ZFAND3: variants seen among roughly 807,000 people sequenced by gnomAD.
ZFAND3 encodes zinc finger AN1-type containing 3, also known as AN1-type zinc finger protein 3.
Under a neutral mutation model 29.6 loss-of-function variants are expected in ZFAND3, and 10 were observed. The ratio of observed to expected loss-of-function variants is 0.34; its 90% CI spans 0.21 to 0.57. The LOEUF (loss-of-function observed/expected upper bound fraction) is 0.57. Among genes scored for constraint, ZFAND3 ranks in the 20% least tolerant of loss-of-function variants. ZFAND3 has a pLI of 0.86. For missense variants in ZFAND3, 230 were observed against 304.5 expected, an observed-to-expected ratio of 0.76 and a Z score of 1.82; for synonymous variants, 128 against 112.6, an observed-to-expected ratio of 1.14 and a Z score of -0.87.
intron 1 of ZFAND3, among the ~76,000 whole-genome samples, chr6:37,866,719 A>G (rs1321339918): frequency 6.6e-6 from 1 of 152,026 alleles, no homozygotes; most frequent in Non-Finnish European, 1.5e-5. Flanking sequence ...GTAGTGTATT[A>G]TCCAGTGACC....
chr6:38,147,235 C>CA (rs1181798753), intron 5 of ZFAND3, among the ~76,000 whole-genome samples: 6 of 152,312 alleles, frequency 3.9e-5, no homozygotes, highest in Admixed American at 2.0e-4. Flanking sequence ...TAAGTGAGAA[C>CA]ATGGGATATT....
chr6:38,131,826 A>G (rs1765748139), intron 5 of ZFAND3, among the ~76,000 whole-genome samples: 1 of 152,226 alleles, frequency 6.6e-6, no homozygotes, highest in Non-Finnish European at 1.5e-5. Context: ...TGGTGTCCTC[A>G]TGAGCCTGCT....
intron 4 of ZFAND3, among the ~76,000 whole-genome samples, chr6:38,085,745 A>G (rs1394796079): frequency 6.6e-6 from 1 of 152,150 alleles, no homozygotes; most frequent in African/African-American, 2.4e-5. Context: ...CAGCCCATAC[A>G]TGCAGTTTAT....
At chr6:37,875,950 C>T (rs1361233233) in intron 1 of ZFAND3, among the ~76,000 whole-genome samples, 1 of 151,982 alleles carries the variant, frequency 6.6e-6, no homozygotes, top group Admixed American at 6.6e-5. Context: ...AGATTACAGG[C>T]CCAGCAGTAA....
intron 4 of ZFAND3, among the ~76,000 whole-genome samples, chr6:38,084,833 A>T (rs1417811110): frequency 6.6e-6 from 1 of 152,186 alleles, no homozygotes; most frequent in Non-Finnish European, 1.5e-5. Context: ...CCTGAAGGAA[A>T]ATTGAGATTT....
At chr6:38,039,928 G>A (rs1763728295) in intron 2 of ZFAND3, among the ~76,000 whole-genome samples, 1 of 152,028 alleles carries the variant, frequency 6.6e-6, no homozygotes, top group Non-Finnish European at 1.5e-5. Flanking sequence ...TACTGTGAAA[G>A]AAAGCCGACT....
At chr6:38,127,363 G>A (rs1259916611) in intron 5 of ZFAND3, among the ~76,000 whole-genome samples, 2 of 152,242 alleles carry the variant, frequency 1.3e-5, no homozygotes, top group Non-Finnish European at 2.9e-5. Flanking sequence ...ACAAAGCTGT[G>A]TTCTAAAGAG....
intron 2 of ZFAND3, among the ~76,000 whole-genome samples, chr6:38,000,516 G>A (rs1392487551): frequency 6.6e-6 from 1 of 152,132 alleles, no homozygotes; most frequent in Admixed American, 6.5e-5. Context: ...ATCTTACATG[G>A]TGGCAGGCAA....
At chr6:38,009,156 C>T (rs1012932697) in intron 2 of ZFAND3, among the ~76,000 whole-genome samples, 1 of 151,860 alleles carries the variant, frequency 6.6e-6, no homozygotes, top group African/African-American at 2.4e-5. Flanking sequence ...TGAATTGAGC[C>T]CTTTGAGTAT....
intron 2 of ZFAND3, among the ~76,000 whole-genome samples, chr6:37,936,062 G>C (rs930488226): frequency 1.3e-5 from 2 of 152,106 alleles, no homozygotes; most frequent in African/African-American, 4.8e-5. Flanking sequence ...TTTAGGAATA[G>C]TTAGTACCTA....
At chr6:38,065,126 G>A (rs1475473576) in intron 3 of ZFAND3, among the ~76,000 whole-genome samples, 6 of 152,070 alleles carry the variant, frequency 3.9e-5, no homozygotes, top group Admixed American at 3.9e-4. Context: ...AGACCATCCT[G>A]GCCAACCTGG....
At chr6:37,825,156 G>A (rs1288378045) in intron 1 of ZFAND3, among the ~76,000 whole-genome samples, 1 of 152,010 alleles carries the variant, frequency 6.6e-6, no homozygotes, top group Non-Finnish European at 1.5e-5. Flanking sequence ...CACTCATTTT[G>A]CCTCTTCAGT....
chr6:37,999,027 A>G lies in ZFAND3; in HGVS notation c.113-62566A>G, dbSNP rs150597985. Among the ~76,000 whole-genome samples, 30 of 152,294 alleles carry G rather than the reference A, an allele frequency of 2.0e-4. No individual in the cohort carries two copies. The East Asian group carries it at 5.6e-3, about 28-fold the overall frequency. On this transcript the variant is annotated intron_variant, in intron 2 of 5. Coordinates refer to ENST00000287218, the MANE Select transcript of ZFAND3 (RefSeq NM_021943.3). ...TAACCATTCTCCAATAGAAGCAACCAGGGCTCTTGGAGAAGTGGTCAGTTC... is the reference window on the plus strand; with the variant it reads ...TAACCATTCTCCAATAGAAGCAACCGGGGCTCTTGGAGAAGTGGTCAGTTC...
intron 1 of ZFAND3, among the ~76,000 whole-genome samples, chr6:37,847,680 A>T (rs1289571974): frequency 1.3e-5 from 2 of 152,162 alleles, no homozygotes; most frequent in Non-Finnish European, 2.9e-5. Context: ...GATACATAGG[A>T]AAGAAGTTAA....
intron 1 of ZFAND3, among the ~76,000 whole-genome samples, chr6:37,843,054 G>A (rs773523282): frequency 8.6e-5 from 13 of 151,676 alleles, no homozygotes; most frequent in Admixed American, 2.6e-4. Flanking sequence ...CCCAGGAGGC[G>A]GAGGTTCCAG....
chr6:38,067,414 A>G (rs1458418565), intron 3 of ZFAND3, among the ~76,000 whole-genome samples: 1 of 152,226 alleles, frequency 6.6e-6, no homozygotes, highest in Non-Finnish European at 1.5e-5. Flanking sequence ...TATCTTGCCC[A>G]AGATCACAGA....
At chr6:38,146,248 C>T (rs1766105186) in intron 5 of ZFAND3, among the ~76,000 whole-genome samples, 1 of 152,162 alleles carries the variant, frequency 6.6e-6, no homozygotes, top group Non-Finnish European at 1.5e-5. Context: ...GAAACCTTCC[C>T]CCCAGATCAC....
intron 1 of ZFAND3, among the ~76,000 whole-genome samples, chr6:37,905,779 A>C (rs1195794925): frequency 6.6e-6 from 1 of 152,112 alleles, no homozygotes; most frequent in Non-Finnish European, 1.5e-5. Context: ...TGGTTTCTTA[A>C]GCATAAGATG....
intron 1 of ZFAND3, among the ~76,000 whole-genome samples, chr6:37,837,520 T>C (rs2127371736): frequency 6.6e-6 from 1 of 152,032 alleles, no homozygotes; most frequent in South Asian, 2.1e-4. Flanking sequence ...TTTTTTTTTT[T>C]TGAGATAGAA....
Sources: allele counts gnomAD v4.1 joint callset (sites outside exome capture counted in the v4.1 genomes callset), GRCh38; gene constraint gnomAD v4.1.1; transcripts MANE v1.5; gene names NCBI Gene and HGNC (gene_info 2026-07-23, HGNC 2026-07-21).